The following IPO7 variants were observed in gnomAD, a reference collection of about 807,000 sequenced individuals.
The protein encoded by IPO7 is importin 7.
IPO7 carries 13 observed loss-of-function variants against 136.4 expected under a neutral mutation model. That is an observed-to-expected ratio of 0.10 (90% CI 0.06 to 0.15). The LOEUF (loss-of-function observed/expected upper bound fraction) is 0.15. Among genes scored for constraint, IPO7 ranks in the 10% least tolerant of loss-of-function variants. IPO7 has a pLI of 1.00. For synonymous variants in IPO7, 403 were observed against 404.4 expected, an observed-to-expected ratio of 1.00 and a Z score of 0.04; for missense variants, 857 against 1,240.6, an observed-to-expected ratio of 0.69 and a Z score of 4.65.
chr11:9,422,888 G>T lies in IPO7; in HGVS notation c.907-118G>T, dbSNP rs138768955. 789 of 543,718 alleles carry T rather than the reference G, an allele frequency of 1.5e-3. 1 individual carries two copies. The highest frequency in any genetic ancestry group is 0.014 in the African/African-American group (735 of 53,322). 33.7% of individuals were successfully genotyped at this position (543,718 alleles called of 1,614,324 possible). On this transcript the variant is annotated intron_variant, in intron 8 of 24. Transcript: ENST00000379719. ...GTTAAATTATTTTTCAAAGTATACGGTTGTTTTTCTTGATGATGAGCTTGT... is the reference window on the plus strand; with the variant it reads ...GTTAAATTATTTTTCAAAGTATACGTTTGTTTTTCTTGATGATGAGCTTGT...
rs372899707 is a variant in IPO7 at position 9,423,151 on chromosome 11, T to G, written c.1041+11T>G. On this transcript the variant is annotated intron_variant, in intron 9 of 24. Transcript: ENST00000379719. ...AAGCCCCATATACAAGTAATAATTT[T>G]TATCTGAAATGTTTTTATAGTAAAT... 1 of 1,520,528 alleles carries G rather than the reference T, an allele frequency of 6.6e-7. No individual in the cohort carries two copies. Among genetic ancestry groups the G allele is most frequent in the Non-Finnish European group, 8.9e-7 (1 of 1,118,528 alleles). 94.2% of individuals were successfully genotyped at this position (1,520,528 alleles called of 1,614,324 possible).
chr11:9,415,379 C>T (rs1282226459), intron 5 of IPO7, among the ~76,000 whole-genome samples: 1 of 151,816 alleles, frequency 6.6e-6, no homozygotes, highest in Non-Finnish European at 1.5e-5. Context: ...CAGTTGAAGT[C>T]TAACACATAC....
chr11:9,416,528 G>A (rs569549678), intron 5 of IPO7, among the ~76,000 whole-genome samples: 4 of 152,182 alleles, frequency 2.6e-5, no homozygotes, highest in East Asian at 1.9e-4. Flanking sequence ...ATATAGCCCC[G>A]TCTCACTTGT....
chr11:9,437,866 C>T lies in IPO7; in HGVS notation c.2381C>T (p.Pro794Leu), dbSNP rs1855401678. ...QVAIAALYYN[P>L]HLLLNTLENL... Reference sequence around the variant, plus strand: ...GCAATTGCAGCTTTGTATTATAATCCACACCTACTACTCAATACCTTAGAA... The same window carrying T: ...GCAATTGCAGCTTTGTATTATAATCTACACCTACTACTCAATACCTTAGAA... Residue 794 changes from proline to leucine, a missense_variant, in exon 21 of 25, where the codon CCA (proline) becomes CTA (leucine). Pro to Leu is a moderately conservative substitution (Grantham distance 98). Around this residue, in one of 11 missense-constraint regions of IPO7, gnomAD observed 190 missense variants for 249.0 expected, o/e 0.76. Coordinates refer to ENST00000379719, the MANE Select transcript of IPO7 (RefSeq NM_006391.3). 1 of 1,613,328 alleles carries T rather than the reference C, an allele frequency of 6.2e-7. No homozygotes were observed. The highest frequency in any genetic ancestry group is 1.3e-5 in the African/African-American group (1 of 74,866).
chr11:9,414,367 C>G lies in IPO7; in HGVS notation c.592C>G (p.Leu198Val). ...TTCTGACCAGTCTGATCAGTCTGTC[C>G]TCATCCAGAAACAGATATTCAAGAT... The part of the protein sequence containing the change: ...LLSDQSDQSV[L>V]IQKQIFKIFY... Residue 198 changes from leucine (L) to valine (V), a missense_variant, in exon 5 of 25, where the codon CTC (leucine) becomes GTC (valine). Coordinates refer to ENST00000379719, the MANE Select transcript of IPO7 (RefSeq NM_006391.3). 1 of 1,611,552 alleles carries G rather than the reference C, an allele frequency of 6.2e-7. No homozygotes were observed. The highest frequency in any genetic ancestry group is 8.5e-7 in the Non-Finnish European group (1 of 1,178,454).
At chr11:9,414,193 T>G in intron 4 of IPO7, 62 bp from the exon 5 acceptor site, 2 of 1,229,940 alleles carry the variant, frequency 1.6e-6, no homozygotes, top group Non-Finnish European at 2.2e-6. Flanking sequence ...ATGCATAGTT[T>G]AAATATATAT....
intron 8 of IPO7, among the ~76,000 whole-genome samples, chr11:9,421,719 C>T (rs375456176): frequency 4.6e-5 from 7 of 151,478 alleles, no homozygotes; most frequent in South Asian, 2.1e-4. Flanking sequence ...CCAAGGCGGG[C>T]GGATCACGAG....
At position 9,404,787 on chromosome 11, in the gene IPO7, C is replaced by T. The variant is rs890063342; in HGVS notation, c.166+1416C>T. 5.3e-5 allele frequency among the ~76,000 whole-genome samples: 8 copies of T among 152,010 alleles called. No individual in the cohort carries two copies. The East Asian group carries it at 5.9e-4, about 11-fold the overall frequency. On this transcript the variant is annotated intron_variant, in intron 2 of 24. Coordinates refer to ENST00000379719, the MANE Select transcript of IPO7 (RefSeq NM_006391.3). ...TTCACCGTATTTGCCAGGATGGTCTCGATTTGCTGACCTCGTGATCTGCCT... is the reference window on the plus strand; with the variant it reads ...TTCACCGTATTTGCCAGGATGGTCTTGATTTGCTGACCTCGTGATCTGCCT...
intron 2 of IPO7, among the ~76,000 whole-genome samples, chr11:9,404,689 C>T (rs1854854788): frequency 6.6e-6 from 1 of 150,654 alleles, no homozygotes; most frequent in African/African-American, 2.4e-5. Flanking sequence ...CCTCAGCCTC[C>T]TGAGTAGCTG....
chr11:9,422,220 G>A (rs776289847), intron 8 of IPO7, among the ~76,000 whole-genome samples: 4 of 151,840 alleles, frequency 2.6e-5, no homozygotes, highest in East Asian at 1.9e-4. Context: ...CGGAGTTTGC[G>A]GTGGGCCGAG....
intron 12 of IPO7, 127 bp from the exon 13 acceptor site, chr11:9,428,412 TG>T (rs771964302): frequency 9.8e-5 from 46 of 471,480 alleles, no homozygotes; most frequent in Middle Eastern, 5.8e-4. Flanking sequence ...TTGTGGATTC[TG>T]GGGTTCAAAG....
intron 15 of IPO7, 21 bp downstream of exon 15, chr11:9,429,855 A>G (rs774722459): frequency 6.4e-6 from 10 of 1,553,050 alleles, no homozygotes; most frequent in Non-Finnish European, 7.8e-6. Flanking sequence ...TGAACCTACC[A>G]TATTTGCAAG....
intron 1 of IPO7, among the ~76,000 whole-genome samples, chr11:9,399,450 C>T (rs1376982393): frequency 6.6e-6 from 1 of 152,054 alleles, no homozygotes; most frequent in African/African-American, 2.4e-5. Context: ...CGTGAGCCAC[C>T]GCGCCCGGCA....
chr11:9,396,038 T>C (rs1854703389), intron 1 of IPO7, among the ~76,000 whole-genome samples: 1 of 152,100 alleles, frequency 6.6e-6, no homozygotes, highest in African/African-American at 2.4e-5. Flanking sequence ...TTATGCTTTT[T>C]TTCATCCATT....
chr11:9,440,684 G>T, intron 23 of IPO7, 23 bp downstream of exon 23: 1 of 1,513,890 alleles, frequency 6.6e-7, no homozygotes, highest in South Asian at 1.1e-5. Context: ...GTTACATGTG[G>T]ATCCATTTCA....
intron 1 of IPO7, among the ~76,000 whole-genome samples, chr11:9,388,754 T>C (rs1367219493): frequency 6.6e-6 from 1 of 152,062 alleles, no homozygotes; most frequent in Non-Finnish European, 1.5e-5. Context: ...TGCAGTGGGC[T>C]CCACTGCACT....
Position 9,446,093 on chromosome 11 carries a change from C to T in IPO7, c.*899C>T, listed in dbSNP as rs189553736. The T allele has an allele frequency of 6.6e-6, 1 of 152,014 alleles. No individual in the cohort carries two copies. The highest frequency in any genetic ancestry group is 1.5e-5 in the Non-Finnish European group (1 of 67,956). The allele number at this position is 152,014 out of a possible 1,614,324, so 9.4% of individuals were successfully genotyped here. On this transcript the variant is annotated 3_prime_UTR_variant, in exon 25 of 25. Transcript: ENST00000379719. ...ACAAGTGGGTATTTGAATACCAGAC[C>T]TTACTGTAAAAAATAAAAAAGGTGG...
intron 22 of IPO7, among the ~76,000 whole-genome samples, chr11:9,439,738 C>CGGA (rs397714770): frequency 6.6e-6 from 1 of 151,770 alleles, no homozygotes; most frequent in Non-Finnish European, 1.5e-5. Flanking sequence ...ACCACACCGG[C>CGGA]TAATTTTTGT....
chr11:9,391,160 G>A (rs1418812587), intron 1 of IPO7, among the ~76,000 whole-genome samples: 1 of 152,150 alleles, frequency 6.6e-6, no homozygotes, highest in Non-Finnish European at 1.5e-5. Context: ...AGCACTTTGG[G>A]AGGCCGAGGT....
Sources: allele counts gnomAD v4.1 joint callset (sites outside exome capture counted in the v4.1 genomes callset), GRCh38; gene constraint gnomAD v4.1.1; regional missense constraint gnomAD v4.1.1; transcripts MANE v1.5; gene names NCBI Gene and HGNC (gene_info 2026-07-23, HGNC 2026-07-21).